The following NSMAF variants were observed in gnomAD, a reference collection of about 807,000 sequenced individuals.
NSMAF encodes neutral sphingomyelinase activation associated factor.
In NSMAF, 90 loss-of-function variants were observed where a neutral mutation model predicts 134.9. The observed-to-expected ratio is 0.67, with a 90% CI of 0.56 to 0.79. The LOEUF (loss-of-function observed/expected upper bound fraction) is 0.79, where lower values mean the gene tolerates loss of function less well. Ranked by LOEUF, NSMAF falls within the 30% of genes least tolerant of loss-of-function variation. The probability of loss-of-function intolerance (pLI) is 0.00; values close to 1 mark genes in which losing one functional copy is unlikely to be tolerated. For missense variants in NSMAF, 1,010 were observed against 1,119.0 expected (o/e 0.90, Z 1.39); for synonymous variants, 358 against 389.6 (o/e 0.92, Z 0.96).
intron 2 of NSMAF, among the ~76,000 whole-genome samples, chr8:58,636,734 C>T (rs967724582): frequency 6.6e-6 from 1 of 152,166 alleles, no homozygotes; most frequent in East Asian, 1.9e-4. Flanking sequence ...TAAAACTTTA[C>T]AAGAACAAGT....
At chr8:58,609,962 G>A (rs563301760) in intron 9 of NSMAF, among the ~76,000 whole-genome samples, 1 of 152,102 alleles carries the variant, frequency 6.6e-6, no homozygotes, top group Non-Finnish European at 1.5e-5. Flanking sequence ...TACCACAGAA[G>A]CCATGACAGA....
chr8:58,658,392 G>GT (rs1341588592), intron 1 of NSMAF, among the ~76,000 whole-genome samples: 1 of 152,186 alleles, frequency 6.6e-6, no homozygotes, highest in African/African-American at 2.4e-5. Flanking sequence ...TCTGTGTATC[G>GT]TATCTTCTTC....
At chr8:58,616,899 T>TA (rs1027801968) in intron 9 of NSMAF, among the ~76,000 whole-genome samples, 1 of 152,018 alleles carries the variant, frequency 6.6e-6, no homozygotes, top group African/African-American at 2.4e-5. Context: ...CAAGGCCAAT[T>TA]AAAAAAAGAA....
At chr8:58,633,560 T>A (rs888717266) in intron 5 of NSMAF, among the ~76,000 whole-genome samples, 1 of 152,188 alleles carries the variant, frequency 6.6e-6, no homozygotes, top group Admixed American at 6.5e-5. Flanking sequence ...TCTCCCCCAC[T>A]GAAAAGTAAA....
chr8:58,603,281 C>T lies in NSMAF; in HGVS notation c.974G>A (p.Arg325His), dbSNP rs1272610748. 11 of 1,614,102 alleles carry T rather than the reference C, an allele frequency of 6.8e-6. No individual in the cohort carries two copies. Among genetic ancestry groups the T allele is most frequent in the Non-Finnish European group, 9.3e-6 (11 of 1,180,014 alleles). Reference protein sequence around the residue: ...YLLHLNNLADRSCNDLSQYPV... With the variant: ...YLLHLNNLADHSCNDLSQYPV... ...GTACTGGGAGAGGTCGTTGCAGCTG[C>T]GGTCGGCCAGGTTGTTGAGGTGAAG... Residue 325 changes from arginine to histidine, a missense_variant, in exon 13 of 31, where the codon CGC becomes CAC. By Grantham distance (29) the Arg-to-His change is conservative. Transcript: ENST00000038176.
At chr8:58,588,538 C>T (rs1805946816) in intron 26 of NSMAF, 4 of 1,240,800 alleles carry the variant, frequency 3.2e-6, no homozygotes, top group Non-Finnish European at 4.7e-6. Context: ...AATTGCACAA[C>T]TCACACAGTA....
chr8:58,600,020 T>C lies in NSMAF; in HGVS notation c.1282A>G (p.Ile428Val). 1 of 1,612,600 alleles carries C rather than the reference T, an allele frequency of 6.2e-7. No individual in the cohort carries two copies. The highest frequency in any genetic ancestry group is 8.5e-7 in the Non-Finnish European group (1 of 1,179,064). ...FDNADRMFNS[I>V]AETWKNCLDG... ...AGACAGTTTTTCCAAGTTTCTGCAATACTACATATGAAAAAAAAATTCACC... is the reference window on the plus strand; with the variant it reads ...AGACAGTTTTTCCAAGTTTCTGCAACACTACATATGAAAAAAAAATTCACC... Residue 428 changes from isoleucine to valine, a missense_variant and splice_region_variant, in exon 17 of 31, where the codon ATT becomes GTT. Ile to Val is a conservative substitution (Grantham distance 29, BLOSUM62 3). Transcript: ENST00000038176.
At position 58,659,792 on chromosome 8, in the gene NSMAF, C is replaced by A. The variant is rs1289246027; in HGVS notation, c.-161G>T. ...CGGCGCCGCTGGGCGGCCGAGAGCC[C>A]GACGCGGCGTCCCGGCCGCGCTCAC... On this transcript the variant is annotated 5_prime_UTR_variant, in exon 1 of 31. Transcript: ENST00000038176. 1 of 382,590 alleles carries A rather than the reference C, an allele frequency of 2.6e-6. No individual in the cohort carries two copies. Among genetic ancestry groups the A allele is most frequent in the Non-Finnish European group, 4.3e-6 (1 of 234,484 alleles). 23.7% of individuals were successfully genotyped at this position (382,590 alleles called of 1,614,324 possible). A position where few individuals can be genotyped will look rare whatever the true frequency, so the allele number is the denominator to read the frequency against.
At chr8:58,634,569 C>T (rs990256569) in intron 5 of NSMAF, among the ~76,000 whole-genome samples, 9 of 152,166 alleles carry the variant, frequency 5.9e-5, no homozygotes, top group East Asian at 1.9e-4. Flanking sequence ...CTAACCCTTT[C>T]GCTTTAAAGA....
intron 13 of NSMAF, 50 bp downstream of exon 13, chr8:58,603,160 G>A: frequency 6.5e-7 from 1 of 1,529,696 alleles, no homozygotes; most frequent in Non-Finnish European, 9.0e-7. Context: ...AAACAATACA[G>A]ATGACTACTC....
In NSMAF at chr8:58,607,467, G is replaced by C. The variant is rs577148171; in HGVS notation, c.759+302C>G. Among the ~76,000 whole-genome samples, 6 of 152,352 alleles carry C rather than the reference G, an allele frequency of 3.9e-5. No individual in the cohort carries two copies. In the South Asian group the frequency reaches 1.0e-3, roughly 26 times the overall value. On this transcript the variant is annotated intron_variant, in intron 11 of 30. Coordinates refer to ENST00000038176, the MANE Select transcript of NSMAF (RefSeq NM_003580.4). ...TACAGCACAGGGTTGGTTTTACACAGATCATTCTAGCCTGAGCCCAGAAAC... is the reference window on the plus strand; with the variant it reads ...TACAGCACAGGGTTGGTTTTACACACATCATTCTAGCCTGAGCCCAGAAAC...
At chr8:58,603,461 G>A in intron 12 of NSMAF, 75 bp from the exon 13 acceptor site, 8 of 1,381,882 alleles carry the variant, frequency 5.8e-6, no homozygotes, top group Non-Finnish European at 8.1e-6. Flanking sequence ...GGCTTAACGT[G>A]TAGACCATCC....
chr8:58,585,605 T>C, intron 30 of NSMAF, 47 bp downstream of exon 30: 1 of 1,359,184 alleles, frequency 7.4e-7, no homozygotes, highest in Non-Finnish European at 1.1e-6. Context: ...AGGCTTGAGT[T>C]CATTATCTTG....
chr8:58,617,725 A>T (rs1377266608), intron 9 of NSMAF, among the ~76,000 whole-genome samples: 1 of 152,248 alleles, frequency 6.6e-6, no homozygotes, highest in East Asian at 1.9e-4. Context: ...AGTGTAAATT[A>T]GTTCAACCAT....
In NSMAF at chr8:58,597,410, TTA is replaced by T. The variant is rs1563525962; in HGVS notation, c.1767_1768del (p.Tyr589Ter). The T allele has an allele frequency of 6.2e-7, 1 of 1,614,146 alleles. No homozygotes were observed. Among genetic ancestry groups the T allele is most frequent in the East Asian group, 2.2e-5 (1 of 44,878 alleles). ...ACCTGGGGAATCTGCCATAGAAGCA[TTA>T]TAACTGGAGGTCTGGGACAAACTTT... On this transcript the variant is annotated stop_gained and frameshift_variant, in exon 21 of 31. Transcript: ENST00000038176. LOFTEE classifies it high-confidence loss of function.
intron 1 of NSMAF, among the ~76,000 whole-genome samples, chr8:58,659,015 G>A (rs1323859150): frequency 6.6e-6 from 1 of 152,292 alleles, no homozygotes; most frequent in Non-Finnish European, 1.5e-5. Context: ...GCCTTCCAGG[G>A]CATGGAGCTA....
intron 12 of NSMAF, among the ~76,000 whole-genome samples, 166 bp from the exon 13 acceptor site, chr8:58,603,552 T>C (rs1806336495): frequency 6.6e-6 from 1 of 152,244 alleles, no homozygotes. Context: ...TGTTCAGCTA[T>C]GTATAAACAG....
chr8:58,609,561 T>TTAAA (rs1376799574), intron 10 of NSMAF, 43 bp downstream of exon 10: 1 of 1,610,986 alleles, frequency 6.2e-7, no homozygotes, highest in South Asian at 1.1e-5. Flanking sequence ...TGGAAACAGC[T>TTAAA]TAAACATGGG....
chr8:58,627,519 T>C (rs187137130), intron 6 of NSMAF, among the ~76,000 whole-genome samples: 2 of 152,206 alleles, frequency 1.3e-5, no homozygotes, highest in East Asian at 1.9e-4. Context: ...ATTCTCCAGA[T>C]AGAAAATCAA....
Sources: gnomAD v4.1 joint callset for allele counts (sites outside exome capture counted in the v4.1 genomes callset) on GRCh38, gnomAD v4.1.1 for gene constraint, MANE v1.5 for transcripts, NCBI Gene and HGNC (gene_info 2026-07-23, HGNC 2026-07-21) for gene names.